The following OAS3 variants were observed in gnomAD, a reference collection of about 807,000 sequenced individuals.
OAS3 encodes the protein 2'-5'-oligoadenylate synthetase 3.
Under a neutral mutation model 113.0 loss-of-function variants are expected in OAS3, and 107 were observed. The observed-to-expected ratio is 0.95, with a 90% CI of 0.81 to 1.11. The LOEUF (loss-of-function observed/expected upper bound fraction) is 1.11. Ranked by LOEUF, OAS3 falls within the 50% of genes most tolerant of loss-of-function variation. The pLI is 0.00. For missense variants in OAS3, 1,258 were observed against 1,389.1 expected (o/e 0.91, Z 1.50); for synonymous variants, 552 against 573.6 (o/e 0.96, Z 0.54).
chr12:112,960,971 T>G, intron 7 of OAS3, 100 bp from the exon 8 acceptor site: 1 of 1,094,512 alleles, frequency 9.1e-7, no homozygotes, highest in South Asian at 1.4e-5. Context: ...GTTAGGTGAT[T>G]AATGTTAGAA....
chr12:112,941,616 C>T lies in OAS3; in HGVS notation c.224C>T (p.Ser75Phe). The T allele has an allele frequency of 6.2e-7, 1 of 1,614,042 alleles. No homozygotes were observed. Among genetic ancestry groups the T allele is most frequent in the Non-Finnish European group, 8.5e-7 (1 of 1,179,898 alleles). The change falls in exon 2 of 16, where the codon TCT becomes TTT. Residue 75 changes from serine (S) to phenylalanine (F), a missense_variant. By Grantham distance (155) the Ser-to-Phe change is radical. Transcript: ENST00000228928. Reference sequence around the variant, plus strand: ...ACAGCTCTCAAGGGTGGCTGTGATTCTGAACTTGTCATCTTCCTCGACTGC... The same window carrying T: ...ACAGCTCTCAAGGGTGGCTGTGATTTTGAACTTGTCATCTTCCTCGACTGC... ...RGTALKGGCDSELVIFLDCFK... is the reference protein window; with the variant it reads ...RGTALKGGCDFELVIFLDCFK...
At chr12:112,939,009 A>G (rs938976089) in intron 1 of OAS3, among the ~76,000 whole-genome samples, 7 of 151,564 alleles carry the variant, frequency 4.6e-5, no homozygotes, top group South Asian at 4.2e-4. Flanking sequence ...CTGCATCTCT[A>G]CTCTCAGAGG....
chr12:112,940,771 C>T (rs2043672138), intron 1 of OAS3, among the ~76,000 whole-genome samples: 1 of 152,046 alleles, frequency 6.6e-6, no homozygotes, highest in African/African-American at 2.4e-5. Context: ...GGGAGGCCAA[C>T]GAGGGCAGAT....
chr12:112,963,316 C>G lies in OAS3; in HGVS notation c.2088C>G (p.Pro696=). The change falls in exon 10 of 16, where the codon CCC becomes CCG. Residue 696 remains proline (P), a synonymous_variant. Transcript: ENST00000228928. The surrounding 1 kb of genome is among the most constrained non-coding windows in gnomAD (Gnocchi z 4.6). ...HLLGQLRKPR[P]LVLDPADPTW... ...CACCTTCCTGCTGTGCCCCCAGACC[C>G]CTGGTCCTGGACCCCGCTGATCCCA... is the stretch of plus-strand genomic sequence containing the variant. 6.4e-7 allele frequency: 1 copy of G among 1,573,670 alleles called. No individual in the cohort carries two copies. Among genetic ancestry groups the G allele is most frequent in the Non-Finnish European group, 8.6e-7 (1 of 1,158,488 alleles).
chr12:112,950,580 ACAT>A, intron 6 of OAS3, 110 bp from the exon 7 acceptor site: 2 of 1,236,818 alleles, frequency 1.6e-6, no homozygotes, highest in Non-Finnish European at 2.3e-6. Flanking sequence ...CCCAGACCTG[ACAT>A]CAGCAAGAGG....
rs1007602856 is a variant in OAS3, at chr12:112,963,564, C to G, written c.2229+107C>G. The G allele has an allele frequency of 6.8e-6, 8 of 1,170,994 alleles. No homozygotes were observed. The African/African-American group carries it at 1.3e-4, about 19-fold the overall frequency. The allele number at this position is 1,170,994 out of a possible 1,614,324, so 72.5% of individuals were successfully genotyped here. A position where few individuals can be genotyped will look rare whatever the true frequency, so the allele number is the denominator to read the frequency against. On this transcript the variant is annotated intron_variant, in intron 10 of 15. Transcript: ENST00000228928. This position sits in a 1 kb window ranked among gnomAD's most constrained non-coding sequence, Gnocchi z 4.6. ...CCCCAGCTGCTAGGAGTGTTGGTGG[C>G]TGACAACTCATAGCCACCCCTTCTC... is the stretch of plus-strand genomic sequence containing the variant.
chr12:112,967,797 G>C (rs923142777), intron 13 of OAS3, 139 bp from the exon 14 acceptor site: 16 of 1,113,100 alleles, frequency 1.4e-5, no homozygotes, highest in Non-Finnish European at 2.0e-5. Context: ...GGATGTGATG[G>C]GATAATGCAT....
intron 6 of OAS3, 152 bp from the exon 7 acceptor site, chr12:112,950,541 G>A (rs2043778941): frequency 2.4e-6 from 2 of 817,504 alleles, no homozygotes; most frequent in Non-Finnish European, 3.9e-6. Flanking sequence ...GAGGTCACAG[G>A]ACCCATGCAG....
Position 112,963,272 on chromosome 12 carries a change from G to T in OAS3, c.2085-41G>T. The T allele has an allele frequency of 6.5e-7, 1 of 1,528,864 alleles. No homozygotes were observed. The highest frequency in any genetic ancestry group is 1.3e-5 in the South Asian group (1 of 79,162). The allele number at this position is 1,528,864 out of a possible 1,614,324, so 94.7% of individuals were successfully genotyped here. On this transcript the variant is annotated intron_variant, in intron 9 of 15. Coordinates refer to ENST00000228928, the MANE Select transcript of OAS3 (RefSeq NM_006187.4). This position sits in a 1 kb window ranked among gnomAD's most constrained non-coding sequence, Gnocchi z 4.6. ...CCTTCCACCCGCCTCCTCTTTCACT[G>T]ACTCCCACCTTCCCCACCCACCTTC...
intron 12 of OAS3, among the ~76,000 whole-genome samples, chr12:112,966,844 A>G (rs962402838): frequency 6.6e-6 from 1 of 152,152 alleles, no homozygotes; most frequent in Non-Finnish European, 1.5e-5. Context: ...GGATATGACT[A>G]TGTTGCCCAG....
At position 112,968,183 on chromosome 12, in the gene OAS3, C is replaced by A; in HGVS notation, c.3104+9C>A. ...CAGCTTCAGAAGCCCAGGTTCAGGT[C>A]TACCCCCAATGTTCCAGAATTTCAA... On this transcript the variant is annotated intron_variant, in intron 14 of 15. Coordinates refer to ENST00000228928, the MANE Select transcript of OAS3 (RefSeq NM_006187.4). 6.2e-7 allele frequency: 1 copy of A among 1,607,426 alleles called. No individual in the cohort carries two copies. Among genetic ancestry groups the A allele is most frequent in the South Asian group, 1.1e-5 (1 of 90,312 alleles).
rs35035664 is a variant in OAS3 at position 112,972,879 on chromosome 12, G to GGTGTGTGTGTGTGTGTGTGTGTGTGT, written c.*2915_*2940dup. 1 of 147,364 alleles carries GGTGTGTGTGTGTGTGTGTGTGTGTGT rather than the reference G, an allele frequency of 6.8e-6. No individual in the cohort carries two copies. The highest frequency in any genetic ancestry group is 6.7e-5 in the Admixed American group (1 of 14,836). 9.1% of individuals were successfully genotyped at this position (147,364 alleles called of 1,614,324 possible). A position where few individuals can be genotyped will look rare whatever the true frequency, so the allele number is the denominator to read the frequency against. On this transcript the variant is annotated 3_prime_UTR_variant, in exon 16 of 16. Transcript: ENST00000228928. ...AGAAATGCAGGACTGCAAAGAAATT[G>GGTGTGTGTGTGTGTGTGTGTGTGTGT]GTGTGTGTGTGTGTGTGTGTGTGTG...
chr12:112,952,642 C>A (rs142877509), intron 7 of OAS3, among the ~76,000 whole-genome samples: 1,966 of 152,144 alleles, frequency 0.013, 21 homozygotes, highest in Non-Finnish European at 0.018. Context: ...ATTCATTTTC[C>A]TTCTTACAGA....
intron 5 of OAS3, among the ~76,000 whole-genome samples, chr12:112,948,581 C>CG (rs1565976252): frequency 6.6e-6 from 1 of 152,094 alleles, no homozygotes; most frequent in South Asian, 2.1e-4. Context: ...TGAAACTGCC[C>CG]GGGGGAAGGA....
chr12:112,967,601 A>G lies in OAS3; in HGVS notation c.2865+8A>G, dbSNP rs538455690. Reference sequence around the variant, plus strand: ...AAGCACTGGTACCAGCAGGTTCGGCACATGGATAGGCCACCTTCCTAAGTT... The same window carrying G: ...AAGCACTGGTACCAGCAGGTTCGGCGCATGGATAGGCCACCTTCCTAAGTT... On this transcript the variant is annotated splice_region_variant and intron_variant, in intron 13 of 15. Coordinates refer to ENST00000228928, the MANE Select transcript of OAS3 (RefSeq NM_006187.4). The G allele has an allele frequency of 6.8e-6, 11 of 1,611,590 alleles. No homozygotes were observed. In the African/African-American group the frequency reaches 1.2e-4, roughly 18 times the overall value.
intron 13 of OAS3, 145 bp from the exon 14 acceptor site, chr12:112,967,791 G>A (rs756004209): frequency 2.2e-5 from 24 of 1,086,896 alleles, no homozygotes; most frequent in Non-Finnish European, 3.1e-5. Flanking sequence ...GTCACAGGAT[G>A]TGATGGGATA....
At position 112,972,505 on chromosome 12, in the gene OAS3, A is replaced by G. The variant is rs1468585075; in HGVS notation, c.*2532A>G. On this transcript the variant is annotated 3_prime_UTR_variant, in exon 16 of 16. Transcript: ENST00000228928. The stretch of plus-strand genomic sequence containing the variant: ...AACACCCACATATGCTTTTCGATGG[A>G]ACCAGGTAAGTTGACGCTAAAGTTC... 6.6e-6 allele frequency: 1 copy of G among 152,218 alleles called. No homozygotes were observed. The highest frequency in any genetic ancestry group is 1.5e-5 in the Non-Finnish European group (1 of 68,050). 9.4% of individuals were successfully genotyped at this position (152,218 alleles called of 1,614,324 possible).
intron 5 of OAS3, 123 bp from the exon 6 acceptor site, chr12:112,948,738 C>A: frequency 1.3e-6 from 1 of 761,850 alleles, no homozygotes; most frequent in Non-Finnish European, 2.1e-6. Context: ...GGCCCTCCCA[C>A]TTCCCCTCTC....
Position 112,964,386 on chromosome 12 carries a change from T to C in OAS3, c.2381T>C (p.Ile794Thr). Residue 794 changes from isoleucine (I) to threonine (T), a missense_variant, in exon 11 of 16, where the codon ATC becomes ACC. By Grantham distance (89) the Ile-to-Thr change is moderately conservative (BLOSUM62 -1). Transcript: ENST00000228928. ...GAAAACTGCTTCCGGAATTCTCCCA[T>C]CAAAGTGATCAAGGTGGTCAAGGTG... is the stretch of plus-strand genomic sequence containing the variant. ...LKENCFRNSP[I>T]KVIKVVKGGS... The C allele has an allele frequency of 6.2e-7, 1 of 1,612,080 alleles. No individual in the cohort carries two copies. The highest frequency in any genetic ancestry group is 1.1e-5 in the South Asian group (1 of 90,314).
Sources: gnomAD v4.1 joint callset for allele counts (sites outside exome capture counted in the v4.1 genomes callset) on GRCh38, gnomAD v4.1.1 for gene constraint, Gnocchi (gnomAD v3.1) non-coding constraint, MANE v1.5 for transcripts, NCBI Gene and HGNC (gene_info 2026-07-23, HGNC 2026-07-21) for gene names.